DOCK8: variants seen among roughly 807,000 people sequenced by gnomAD.
DOCK8 encodes the protein dedicator of cytokinesis 8.
A neutral mutation model predicts 245.6 loss-of-function variants in DOCK8; 141 were observed. That is an observed-to-expected ratio of 0.57 (90% CI 0.50 to 0.66). The LOEUF is 0.66. Ranked by LOEUF, DOCK8 falls within the 30% of genes least tolerant of loss-of-function variation. The pLI, the probability that DOCK8 is intolerant of heterozygous loss-of-function variation, is 0.00. For synonymous variants in DOCK8, 1,168 were observed against 970.2 expected (o/e 1.20, Z -3.79); for missense variants, 2,965 against 2,603.4 (o/e 1.14, Z -3.02).
intron 44 of DOCK8, among the ~76,000 whole-genome samples, chr9:449,304 C>G (rs2057359051): frequency 6.6e-6 from 1 of 152,112 alleles, no homozygotes; most frequent in Admixed American, 6.5e-5. Context: ...GAGCCAAGAT[C>G]ATGCCATTGC....
chr9:451,458 A>C (rs1170411700), intron 45 of DOCK8, among the ~76,000 whole-genome samples: 2 of 152,058 alleles, frequency 1.3e-5, no homozygotes, highest in African/African-American at 4.8e-5. Flanking sequence ...TCCCATCACT[A>C]CAAAAAAATA....
At chr9:275,437 G>A (rs1279758625) in intron 2 of DOCK8, among the ~76,000 whole-genome samples, 1 of 152,126 alleles carries the variant, frequency 6.6e-6, no homozygotes, top group East Asian at 1.9e-4. Context: ...AGGGTTCTCA[G>A]CCCTGACTGG....
intron 24 of DOCK8, 141 bp from the exon 25 acceptor site, chr9:396,644 T>C: frequency 1.7e-6 from 2 of 1,168,996 alleles, no homozygotes; most frequent in Non-Finnish European, 2.5e-6. Context: ...AGTCCAGAGC[T>C]TGCTCGGGCA....
At chr9:303,867 C>G (rs2049678545) in intron 4 of DOCK8, among the ~76,000 whole-genome samples, 1 of 152,150 alleles carries the variant, frequency 6.6e-6, no homozygotes, top group Non-Finnish European at 1.5e-5. Flanking sequence ...TGTTTGTGCA[C>G]TTGACTTTGT....
rs79070530 is a variant in DOCK8 at position 398,860 on chromosome 9, A to G, written c.3121-286A>G. Reference sequence around the variant, plus strand: ...TATAAAAAAAAGTAGGATCCAACATAGTATATAGAGAATGAGGTTAATTAT... The same window carrying G: ...TATAAAAAAAAGTAGGATCCAACATGGTATATAGAGAATGAGGTTAATTAT... On this transcript the variant is annotated intron_variant, in intron 25 of 47. Transcript: ENST00000432829. 0.042 allele frequency among the ~76,000 whole-genome samples: 6,328 copies of G among 152,262 alleles called. 157 individuals are homozygous for G. The highest frequency in any genetic ancestry group is 0.053 in the Non-Finnish European group (3,608 of 68,014).
chr9:338,125 G>A (rs549930282), intron 12 of DOCK8, among the ~76,000 whole-genome samples: 1 of 151,848 alleles, frequency 6.6e-6, no homozygotes, highest in South Asian at 2.1e-4. Context: ...CTGCACTCCA[G>A]CCTGGGTGAC....
In DOCK8 at chr9:338,275, C is replaced by T. The variant is rs113436767; in HGVS notation, c.1423-731C>T. Among the ~76,000 whole-genome samples the T allele has an allele frequency of 3.9e-3, 590 of 152,218 alleles. 9 individuals carry two copies. Among genetic ancestry groups the T allele is most frequent in the African/African-American group, 0.013 (546 of 41,540 alleles). On this transcript the variant is annotated intron_variant, in intron 12 of 47. Coordinates refer to ENST00000432829, the MANE Select transcript of DOCK8 (RefSeq NM_203447.4). ...AAGTTTTCCATAGCTACGCAGTCTTCGTGGAGCATTTAAAGGGGTTACATT... is the reference window on the plus strand; with the variant it reads ...AAGTTTTCCATAGCTACGCAGTCTTTGTGGAGCATTTAAAGGGGTTACATT...
In DOCK8 at chr9:401,774, A is replaced by G. The variant is rs546835532; in HGVS notation, c.3234+2515A>G. On this transcript the variant is annotated intron_variant, in intron 26 of 47. Transcript: ENST00000432829. ...TCCTCCAAAAAAAGAAAAAGACATGACTTTTCTAAAGGAAGTCCTGTCTAC... is the reference window on the plus strand; with the variant it reads ...TCCTCCAAAAAAAGAAAAAGACATGGCTTTTCTAAAGGAAGTCCTGTCTAC... Among the ~76,000 whole-genome samples, 17 of 152,246 alleles carry G rather than the reference A, an allele frequency of 1.1e-4. No homozygotes were observed. The South Asian group carries it at 2.3e-3, about 20-fold the overall frequency.
chr9:424,652 C>T (rs10974353), intron 33 of DOCK8, among the ~76,000 whole-genome samples: 5 of 152,116 alleles, frequency 3.3e-5, no homozygotes, highest in African/African-American at 1.2e-4. Flanking sequence ...TCAAGTGATC[C>T]ACCTGTTTTA....
intron 4 of DOCK8, among the ~76,000 whole-genome samples, chr9:299,144 C>T (rs77620214): frequency 6.6e-6 from 1 of 152,096 alleles, no homozygotes. Context: ...TGTCCCCTGA[C>T]CCCCAGCCAG....
Position 432,163 on chromosome 9 carries a change from C to T in DOCK8, c.4627-3C>T, listed in dbSNP as rs368566107. Reference sequence around the variant, plus strand: ...ATCTTTTTTTTTTTTTTCACTGATGCAGAATTTTGCAAGAGTAAAGATGCA... The same window carrying T: ...ATCTTTTTTTTTTTTTTCACTGATGTAGAATTTTGCAAGAGTAAAGATGCA... On this transcript the variant is annotated splice_region_variant and splice_polypyrimidine_tract_variant and intron_variant, in intron 36 of 47. Coordinates refer to ENST00000432829, the MANE Select transcript of DOCK8 (RefSeq NM_203447.4). 21 of 1,608,978 alleles carry T rather than the reference C, an allele frequency of 1.3e-5. No homozygotes were observed. The African/African-American group carries it at 2.0e-4, about 16-fold the overall frequency.
At chr9:318,728 C>T (rs1366512557) in intron 7 of DOCK8, among the ~76,000 whole-genome samples, 2 of 152,236 alleles carry the variant, frequency 1.3e-5, no homozygotes. Context: ...GGAGCTTCCT[C>T]ATCTGTCTGG....
chr9:454,253 T>C (rs1269416868), intron 46 of DOCK8: 2 of 152,200 alleles, frequency 1.3e-5, no homozygotes, highest in Non-Finnish European at 2.9e-5. Flanking sequence ...TAGTTACCCA[T>C]GGTTTGAAAG....
intron 1 of DOCK8, among the ~76,000 whole-genome samples, chr9:266,849 T>C (rs912900545): frequency 6.6e-6 from 1 of 152,214 alleles, no homozygotes; most frequent in African/African-American, 2.4e-5. Flanking sequence ...TCTTAGCTCA[T>C]TAAGGAAATA....
chr9:400,951 C>T (rs1292358576), intron 26 of DOCK8, among the ~76,000 whole-genome samples: 7 of 72,534 alleles, frequency 9.7e-5, no homozygotes, highest in South Asian at 3.3e-4. Flanking sequence ...CCACCATCAC[C>T]ACCACCACCA....
chr9:339,192 T>C (rs112566853), intron 13 of DOCK8, 93 bp downstream of exon 13: 18 of 1,121,148 alleles, frequency 1.6e-5, no homozygotes, highest in African/African-American at 9.2e-5. Context: ...TATAAAATCA[T>C]GTTTGCCAAG....
In DOCK8 at chr9:215,328, G is replaced by A. The variant is rs538798355; in HGVS notation, c.53+299G>A. 4.9e-5 allele frequency: 79 copies of A among 1,603,190 alleles called. No individual in the cohort carries two copies. The East Asian group carries it at 1.6e-3, about 32-fold the overall frequency. On this transcript the variant is annotated intron_variant, in intron 1 of 47. Coordinates refer to ENST00000432829, the MANE Select transcript of DOCK8 (RefSeq NM_203447.4). ...CCGCTCCGCCCTCCAGGTTCTTACAGGTGGCCGGGTCCCAGAAGGGTGATA... is the reference window on the plus strand; with the variant it reads ...CCGCTCCGCCCTCCAGGTTCTTACAAGTGGCCGGGTCCCAGAAGGGTGATA...
rs753161167 is a variant in DOCK8, at chr9:464,267, A to G, written c.*48A>G. On this transcript the variant is annotated 3_prime_UTR_variant, in exon 48 of 48. Transcript: ENST00000432829. ...AGACTGTGGCCCTGCAACCCTGGAG[A>G]AGGACTTGCTGGTACTTAAAAAATG... 4.6e-6 allele frequency: 7 copies of G among 1,523,530 alleles called. No individual in the cohort carries two copies. The highest frequency in any genetic ancestry group is 6.4e-6 in the Non-Finnish European group (7 of 1,097,538). 94.4% of individuals were successfully genotyped at this position (1,523,530 alleles called of 1,614,324 possible).
intron 1 of DOCK8, among the ~76,000 whole-genome samples, chr9:250,419 A>G (rs1002844707): frequency 6.6e-6 from 1 of 152,206 alleles, no homozygotes; most frequent in Non-Finnish European, 1.5e-5. Flanking sequence ...CTCCTCTGAG[A>G]AAAAGACCAT....
Sources: gnomAD v4.1 joint callset for allele counts (sites outside exome capture counted in the v4.1 genomes callset) on GRCh38, gnomAD v4.1.1 for gene constraint, MANE v1.5 for transcripts, NCBI Gene and HGNC (gene_info 2026-07-23, HGNC 2026-07-21) for gene names.